Variants in DAPK1 observed in about 807,000 individuals in gnomAD.
The protein encoded by DAPK1 is death associated protein kinase 1.
Under a neutral mutation model 144.9 loss-of-function variants are expected in DAPK1, and 56 were observed. That is an observed-to-expected ratio of 0.39 (90% confidence interval 0.31 to 0.48). The LOEUF is 0.48. Among genes scored for constraint, DAPK1 ranks in the 20% least tolerant of loss-of-function variants. The pLI is 0.95. For missense variants in DAPK1, 1,454 were observed against 1,875.4 expected (o/e 0.78, Z 4.15); for synonymous variants, 690 against 749.0 (o/e 0.92, Z 1.29).
chr9:87,669,147 T>C (rs1037338621), intron 19 of DAPK1, among the ~76,000 whole-genome samples: 7 of 152,208 alleles, frequency 4.6e-5, no homozygotes, highest in African/African-American at 1.7e-4. Context: ...ACAATAGCCA[T>C]ACCCTTTAAT....
intron 2 of DAPK1, among the ~76,000 whole-genome samples, chr9:87,523,217 A>AT: frequency 6.6e-6 from 1 of 152,300 alleles, no homozygotes; most frequent in Non-Finnish European, 1.5e-5. Context: ...AGACAGCTGT[A>AT]TTTTTTAAAA....
chr9:87,605,799 C>T (rs1449780719), intron 3 of DAPK1, among the ~76,000 whole-genome samples: 1 of 152,190 alleles, frequency 6.6e-6, no homozygotes, highest in East Asian at 1.9e-4. Context: ...TTTCTCATCT[C>T]CCTCTCCCAC....
At chr9:87,639,564 C>T (rs1425340272) in intron 5 of DAPK1, 81 bp downstream of exon 5, 2 of 1,609,740 alleles carry the variant, frequency 1.2e-6, no homozygotes, top group East Asian at 4.5e-5. Context: ...GATTCTTTCC[C>T]TGCTACATGT....
At chr9:87,498,646 C>CTGGG in intron 1 of DAPK1, 1 of 353,068 alleles carries the variant, frequency 2.8e-6, no homozygotes, top group Non-Finnish European at 5.1e-6. Context: ...GGTGGGAAAG[C>CTGGG]TGGGTGGGCA....
At chr9:87,631,150 G>C (rs568905128) in intron 3 of DAPK1, among the ~76,000 whole-genome samples, 55 of 152,262 alleles carry the variant, frequency 3.6e-4, no homozygotes, top group Non-Finnish European at 3.8e-4. Context: ...CCACTCTGAA[G>C]AATCCTAATG....
chr9:87,638,145 C>A, intron 4 of DAPK1, 64 bp downstream of exon 4: 1 of 1,495,218 alleles, frequency 6.7e-7, no homozygotes, highest in South Asian at 1.3e-5. Flanking sequence ...TGTTTCTCTG[C>A]TAAGAAAAAT....
At chr9:87,571,476 A>ACACACACACCCCAAC (rs771023885) in intron 2 of DAPK1, among the ~76,000 whole-genome samples, 3 of 48,548 alleles carry the variant, frequency 6.2e-5, no homozygotes, top group Non-Finnish European at 7.4e-5. Flanking sequence ...CACACACACC[A>ACACACACACCCCAAC]ACACACACAC....
rs36219445 is a variant in DAPK1 at position 87,700,742 on chromosome 9, C to T, written c.2871+505C>T. 4.1e-3 allele frequency among the ~76,000 whole-genome samples: 631 copies of T among 152,172 alleles called. 4 individuals carry two copies. The highest frequency in any genetic ancestry group is 0.014 in the African/African-American group (579 of 41,506). ...TCTCGAACTCCTAGGCTCAGGTGCTCCTCCCACCTCAGCCTCCCAAAGTGC... is the reference window on the plus strand; with the variant it reads ...TCTCGAACTCCTAGGCTCAGGTGCTTCTCCCACCTCAGCCTCCCAAAGTGC... On this transcript the variant is annotated intron_variant, in intron 24 of 25. Coordinates refer to ENST00000408954, the MANE Select transcript of DAPK1 (RefSeq NM_004938.4).
At chr9:87,564,007 A>G (rs535050334) in intron 2 of DAPK1, among the ~76,000 whole-genome samples, 1 of 152,166 alleles carries the variant, frequency 6.6e-6, no homozygotes, top group Non-Finnish European at 1.5e-5. Flanking sequence ...TATTTAGTTT[A>G]GGATGCCCGT....
Position 87,498,950 on chromosome 9 carries a change from C to CTT in DAPK1, c.-108-11_-108-10dup. The CTT allele has an allele frequency of 6.0e-5, 38 of 631,724 alleles. No homozygotes were observed. Among genetic ancestry groups the CTT allele is most frequent in the Non-Finnish European group, 8.0e-5 (29 of 363,836 alleles). The allele number at this position is 631,724 out of a possible 1,614,324, so 39.1% of individuals were successfully genotyped here. A position where few individuals can be genotyped will look rare whatever the true frequency, so the allele number is the denominator to read the frequency against. ...GTTGCCATTTTACTATTATTATTGC[C>CTT]TTTTTTTTTTCTTCAAAAGGACTGG... On this transcript the variant is annotated intron_variant, in intron 1 of 25. Transcript: ENST00000408954.
intron 2 of DAPK1, among the ~76,000 whole-genome samples, chr9:87,511,596 T>G (rs1824844363): frequency 6.6e-6 from 1 of 152,182 alleles, no homozygotes; most frequent in Admixed American, 6.5e-5. Flanking sequence ...AACCTGAGAC[T>G]ATGTGAGCAC....
intron 20 of DAPK1, among the ~76,000 whole-genome samples, chr9:87,685,570 AGCTTCT>A (rs1166160698): frequency 6.6e-6 from 1 of 152,212 alleles, no homozygotes; most frequent in African/African-American, 2.4e-5. Context: ...CCAGAAAGGC[AGCTTCT>A]GCCTGCACAA....
In DAPK1 at chr9:87,703,088, G is replaced by T. The variant is rs759482967; in HGVS notation, c.2931G>T (p.Arg977Ser). 5.4e-5 allele frequency: 86 copies of T among 1,599,188 alleles called. No homozygotes were observed. The highest frequency in any genetic ancestry group is 7.3e-5 in the Non-Finnish European group (85 of 1,166,520). The part of the protein sequence containing the change: ...EKIISTLPSW[R>S]KLNGPNQLMS... ...TCATCTCCACGCTGCCTTCCTGGAG[G>T]AAGCTCAATGGACCCAACCAGCTGA... The change falls in exon 25 of 26, where the codon AGG becomes AGT. Residue 977 changes from arginine to serine, a missense_variant. Coordinates refer to ENST00000408954, the MANE Select transcript of DAPK1 (RefSeq NM_004938.4).
chr9:87,604,163 C>T lies in DAPK1; in HGVS notation c.63-791C>T, dbSNP rs936859194. Among the ~76,000 whole-genome samples the T allele has an allele frequency of 4.6e-5, 7 of 151,998 alleles. No homozygotes were observed. In the East Asian group the frequency reaches 5.8e-4, roughly 13 times the overall value. ...CTCATGGTCCCAAGACAGTTGGCAG[C>T]GGCTTTGAGGGGGGGGTTCTGTCAC... On this transcript the variant is annotated intron_variant, in intron 2 of 25. Transcript: ENST00000408954.
At chr9:87,507,262 GA>G (rs1438699044) in intron 2 of DAPK1, among the ~76,000 whole-genome samples, 2 of 152,212 alleles carry the variant, frequency 1.3e-5, no homozygotes, top group African/African-American at 4.8e-5. Context: ...GCCCTGGCTG[GA>G]ATGCAATGGC....
chr9:87,573,812 C>G (rs1827451674), intron 2 of DAPK1, among the ~76,000 whole-genome samples: 1 of 152,184 alleles, frequency 6.6e-6, no homozygotes, highest in Non-Finnish European at 1.5e-5. Context: ...CTAATGAGAG[C>G]TCATCTTTGA....
intron 2 of DAPK1, among the ~76,000 whole-genome samples, chr9:87,529,058 C>T (rs1825617939): frequency 6.6e-6 from 1 of 152,170 alleles, no homozygotes; most frequent in Admixed American, 6.5e-5. Context: ...TGGCAGGCTA[C>T]TAAGCATGCA....
intron 17 of DAPK1, among the ~76,000 whole-genome samples, chr9:87,656,760 A>G (rs770581839): frequency 1.6e-4 from 25 of 152,190 alleles, no homozygotes; most frequent in Non-Finnish European, 2.6e-4. Context: ...AGTGTTCCCA[A>G]TCTACTGTTA....
intron 3 of DAPK1, among the ~76,000 whole-genome samples, chr9:87,622,539 A>G (rs9785301): frequency 0.39 from 59,265 of 151,730 alleles, 13,161 homozygotes; most frequent in African/African-American, 0.61. Context: ...GGAAGAGAGG[A>G]AAAAAAAAGA....
Sources: allele counts gnomAD v4.1 joint callset (sites outside exome capture counted in the v4.1 genomes callset), GRCh38; gene constraint gnomAD v4.1.1; transcripts MANE v1.5; gene names NCBI Gene and HGNC (gene_info 2026-07-23, HGNC 2026-07-21).